PTGER3: variants seen among roughly 807,000 people sequenced by gnomAD.
PTGER3 encodes prostaglandin E receptor 3.
In PTGER3, 22 loss-of-function variants were observed where a neutral mutation model predicts 34.7. The observed-to-expected ratio is 0.63, with a 90% CI of 0.45 to 0.91. PTGER3 has a LOEUF of 0.91. Ranked by LOEUF, PTGER3 falls within the 40% of genes least tolerant of loss-of-function variation. The probability of loss-of-function intolerance (pLI) is 0.00; values close to 1 mark genes in which losing one functional copy is unlikely to be tolerated. For synonymous variants in PTGER3, 241 were observed against 230.1 expected (o/e 1.05, Z -0.43); for missense variants, 468 against 519.4 (o/e 0.90, Z 0.96).
At chr1:70,882,772 A>G (rs1163641034) in intron 4 of PTGER3, among the ~76,000 whole-genome samples, 1 of 152,094 alleles carries the variant, frequency 6.6e-6, no homozygotes, top group African/African-American at 2.4e-5. Flanking sequence ...ACCCTTTACC[A>G]TGTGGGAGAG....
At chr1:70,895,273 C>T (rs1016971221) in intron 4 of PTGER3, among the ~76,000 whole-genome samples, 6 of 152,154 alleles carry the variant, frequency 3.9e-5, no homozygotes, top group African/African-American at 9.7e-5. Context: ...GATCTCTGGA[C>T]ATTTATAAGG....
chr1:70,939,641 C>A lies in PTGER3; in HGVS notation c.*23+14122G>T, dbSNP rs111890701. Among the ~76,000 whole-genome samples the A allele has an allele frequency of 6.6e-4, 101 of 152,378 alleles. 1 individual carries two copies. Among genetic ancestry groups the A allele is most frequent in the African/African-American group, 2.3e-3 (95 of 41,600 alleles). ...CTGTGCACCCACAGGCTCAACACCA[C>A]ATGGAAGCTGCCAAGGCTTAGGGCT... On this transcript the variant is annotated intron_variant, in intron 4 of 4. Transcript: ENST00000370931.
chr1:71,019,972 T>C (rs1008484), intron 1 of PTGER3, among the ~76,000 whole-genome samples: 134,350 of 152,224 alleles, frequency 0.88, 59,353 homozygotes, highest in East Asian at 0.96. Context: ...TGTTGTTAGG[T>C]TATGGGAGAA....
At chr1:70,903,226 A>G (rs1465933130) in intron 4 of PTGER3, among the ~76,000 whole-genome samples, 2 of 152,204 alleles carry the variant, frequency 1.3e-5, no homozygotes, top group Non-Finnish European at 2.9e-5. Flanking sequence ...TAGAGCCTTC[A>G]GAAGGGATGT....
chr1:70,953,022 G>T (rs750522512), exon 4 of PTGER3: 10 of 1,610,852 alleles, frequency 6.2e-6, no homozygotes. Context: ...ATGTGCAGTT[G>T]CCCTCTGTAT....
intron 1 of PTGER3, 27 bp downstream of exon 1, chr1:71,046,654 A>G: frequency 1.3e-6 from 2 of 1,516,656 alleles, no homozygotes; most frequent in Non-Finnish European, 8.8e-7. Context: ...ACGCATCCTG[A>G]CTTCCCCCAA....
chr1:70,986,891 T>C (rs771295600), intron 2 of PTGER3, among the ~76,000 whole-genome samples: 6 of 152,076 alleles, frequency 3.9e-5, no homozygotes, highest in Non-Finnish European at 8.8e-5. Flanking sequence ...CAAGAACCCA[T>C]CTCCTACTCT....
At chr1:70,928,154 CAT>C (rs1236170434) in intron 4 of PTGER3, among the ~76,000 whole-genome samples, 21 of 145,490 alleles carry the variant, frequency 1.4e-4, no homozygotes, top group African/African-American at 2.7e-4. Context: ...TATTTATAGA[CAT>C]ATATATTTTT....
At chr1:71,007,080 T>C (rs1326846799) in intron 2 of PTGER3, 7 of 984,594 alleles carry the variant, frequency 7.1e-6, no homozygotes, top group African/African-American at 5.2e-5. Context: ...AAACTTTACA[T>C]AGAGGTGATA....
At chr1:70,874,282 T>G (rs773702958) in intron 4 of PTGER3, among the ~76,000 whole-genome samples, 10 of 152,168 alleles carry the variant, frequency 6.6e-5, no homozygotes, top group Non-Finnish European at 1.3e-4. Flanking sequence ...AGACCTGAGC[T>G]TCCCCACCCT....
In PTGER3 at chr1:71,047,184, A is replaced by G; in HGVS notation, c.394T>C (p.Phe132Leu). Residue 132 changes from phenylalanine to leucine, a missense_variant, in exon 1 of 4, where the codon TTT becomes CTT. Around this residue, in one of 5 missense-constraint regions of PTGER3, gnomAD observed 53 missense variants for 93.9 expected, o/e 0.56. Transcript: ENST00000306666. The part of the protein sequence containing the change: ...HIDPSGRLCT[F>L]FGLTMTVFGL... ...AAAACAGTCATGGTCAGCCCGAAAA[A>G]GGTGCAGAGCCGCCCCGACGGGTCG... 1 of 1,600,378 alleles carries G rather than the reference A, an allele frequency of 6.2e-7. No individual in the cohort carries two copies. Among genetic ancestry groups the G allele is most frequent in the African/African-American group, 1.3e-5 (1 of 74,800 alleles).
chr1:71,029,193 A>T (rs1659192320), intron 1 of PTGER3, among the ~76,000 whole-genome samples: 1 of 152,150 alleles, frequency 6.6e-6, no homozygotes, highest in African/African-American at 2.4e-5. Flanking sequence ...ACTTAATTAC[A>T]CTTCCCTTCT....
At position 70,921,575 on chromosome 1, in the gene PTGER3, G is replaced by T. The variant is rs1365109322; in HGVS notation, c.*23+32188C>A. ...ACCTCAGAACAGAACATGGGCTTAG[G>T]ACACCCCTAAACCTGCTTTTCAAGA... is the stretch of plus-strand genomic sequence containing the variant. On this transcript the variant is annotated intron_variant, in intron 4 of 4. Coordinates refer to the PTGER3 transcript ENST00000370931. 2.6e-5 allele frequency among the ~76,000 whole-genome samples: 4 copies of T among 152,072 alleles called. 1 individual carries two copies. In the East Asian group the frequency reaches 7.7e-4, roughly 29 times the overall value.
At chr1:70,981,858 C>G (rs913050353) in intron 2 of PTGER3, among the ~76,000 whole-genome samples, 3 of 151,964 alleles carry the variant, frequency 2.0e-5, no homozygotes, top group African/African-American at 7.2e-5. Flanking sequence ...CTTTAGTGAT[C>G]CCTGGTACCC....
intron 4 of PTGER3, among the ~76,000 whole-genome samples, chr1:70,857,173 G>A (rs1318181668): frequency 6.6e-6 from 1 of 152,222 alleles, no homozygotes; most frequent in African/African-American, 2.4e-5. Context: ...GATGTTTTAA[G>A]ATTCCTTCTC....
chr1:70,919,528 A>G (rs913946318), intron 4 of PTGER3, among the ~76,000 whole-genome samples: 5 of 152,214 alleles, frequency 3.3e-5, no homozygotes, highest in African/African-American at 9.6e-5. Flanking sequence ...CACCAATCTA[A>G]TACATCTACT....
chr1:71,022,688 TGC>T (rs1658529059), intron 1 of PTGER3, among the ~76,000 whole-genome samples: 1 of 151,214 alleles, frequency 6.6e-6, no homozygotes, highest in Non-Finnish European at 1.5e-5. Context: ...CTCTAGTCAG[TGC>T]TCTCTCTCTC....
intron 4 of PTGER3, among the ~76,000 whole-genome samples, chr1:70,897,843 T>C (rs762690149): frequency 6.6e-6 from 1 of 152,172 alleles, no homozygotes; most frequent in African/African-American, 2.4e-5. Flanking sequence ...TTCAACATGT[T>C]TTTGTTTGAT....
intron 2 of PTGER3, among the ~76,000 whole-genome samples, chr1:70,997,556 C>A (rs1203563687): frequency 6.6e-6 from 1 of 152,138 alleles, no homozygotes; most frequent in Non-Finnish European, 1.5e-5. Flanking sequence ...TAATGACCAC[C>A]AGATATTCTG....
Sources: allele counts gnomAD v4.1 joint callset (sites outside exome capture counted in the v4.1 genomes callset), GRCh38; gene constraint gnomAD v4.1.1; regional missense constraint gnomAD v4.1.1; transcripts MANE v1.5; gene names NCBI Gene and HGNC (gene_info 2026-07-23, HGNC 2026-07-21).